MICU2: variants seen among roughly 807,000 people sequenced by gnomAD.
MICU2 encodes calcium uptake protein 2, mitochondrial.
A neutral mutation model predicts 60.4 loss-of-function variants in MICU2; 64 were observed. The observed-to-expected ratio is 1.06, with a 90% confidence interval of 0.87 to 1.31. The LOEUF (loss-of-function observed/expected upper bound fraction) is 1.31, where lower values mean the gene tolerates loss of function less well. Among genes scored for constraint, MICU2 ranks in the 50% most tolerant of loss-of-function variants. The pLI, the probability that MICU2 is intolerant of heterozygous loss-of-function variation, is 0.00. For missense variants in MICU2, 569 were observed against 531.0 expected (o/e 1.07, Z -0.70); for synonymous variants, 201 against 175.0 (o/e 1.15, Z -1.17).
chr13:21,520,819 A>G (rs1347282344), intron 6 of MICU2, among the ~76,000 whole-genome samples: 2 of 152,108 alleles, frequency 1.3e-5, no homozygotes, highest in East Asian at 3.8e-4. Context: ...GCACCAATTT[A>G]TAACTATTGC....
intron 1 of MICU2, among the ~76,000 whole-genome samples, chr13:21,579,075 C>CAGACTGTAATG (rs1888288416): frequency 1.3e-5 from 2 of 152,124 alleles, no homozygotes; most frequent in African/African-American, 2.4e-5. Flanking sequence ...AGTACATTAA[C>CAGACTGTAATG]AGACTGTAAT....
At chr13:21,494,983 T>G (rs1264659087) in intron 11 of MICU2, among the ~76,000 whole-genome samples, 178 bp downstream of exon 11, 1 of 152,188 alleles carries the variant, frequency 6.6e-6, no homozygotes, top group Non-Finnish European at 1.5e-5. Context: ...CATTATTTTT[T>G]AAAAAGCAAA....
intron 8 of MICU2, among the ~76,000 whole-genome samples, chr13:21,505,583 T>TA (rs929137406): frequency 2.3e-4 from 35 of 149,814 alleles, no homozygotes; most frequent in East Asian, 3.9e-4. Flanking sequence ...GTTGTATAAG[T>TA]AAAAAAAAAA....
intron 9 of MICU2, among the ~76,000 whole-genome samples, chr13:21,499,543 T>TG (rs1255274358): frequency 6.6e-6 from 1 of 151,964 alleles, no homozygotes; most frequent in Non-Finnish European, 1.5e-5. Context: ...CCCGAGTAGC[T>TG]GGGACTACAG....
chr13:21,535,776 C>T (rs1887116077), intron 4 of MICU2, among the ~76,000 whole-genome samples: 1 of 152,006 alleles, frequency 6.6e-6, no homozygotes, highest in African/African-American at 2.4e-5. Context: ...GCTTAAAACC[C>T]ATGTTCTTAA....
intron 8 of MICU2, 27 bp from the exon 9 acceptor site, chr13:21,503,124 A>T: frequency 1.3e-6 from 2 of 1,537,102 alleles, no homozygotes; most frequent in South Asian, 1.2e-5. Context: ...AAAATTAGTA[A>T]GGTAACTAGT....
intron 8 of MICU2, among the ~76,000 whole-genome samples, chr13:21,508,764 C>A (rs1243697149): frequency 6.6e-6 from 1 of 152,192 alleles, no homozygotes; most frequent in African/African-American, 2.4e-5. Context: ...TGCCTCCCTG[C>A]CCAAACCACT....
intron 2 of MICU2, among the ~76,000 whole-genome samples, chr13:21,546,972 C>A (rs1431841183): frequency 6.6e-6 from 1 of 152,084 alleles, no homozygotes; most frequent in Non-Finnish European, 1.5e-5. Context: ...ATGTGTAGGT[C>A]TCATTTCTTT....
At position 21,569,235 on chromosome 13, in the gene MICU2, A is replaced by T. The variant is rs189090363; in HGVS notation, c.211-2291T>A. Among the ~76,000 whole-genome samples, 197 of 152,278 alleles carry T rather than the reference A, an allele frequency of 1.3e-3. 1 individual carries two copies. Among genetic ancestry groups the T allele is most frequent in the African/African-American group, 4.3e-3 (177 of 41,556 alleles). On this transcript the variant is annotated intron_variant, in intron 1 of 11. Coordinates refer to ENST00000382374, the MANE Select transcript of MICU2 (RefSeq NM_152726.3). ...TACATGGTGAGGTATAAAACCTTCC[A>T]ACAACGCTATCAACATCCCCCCAAT...
At chr13:21,535,105 T>A (rs772541512) in intron 4 of MICU2, among the ~76,000 whole-genome samples, 1 of 152,210 alleles carries the variant, frequency 6.6e-6, no homozygotes, top group African/African-American at 2.4e-5. Flanking sequence ...ATTAATCTCT[T>A]ATCTCTCAAT....
chr13:21,512,029 C>T (rs1466050829), intron 7 of MICU2, among the ~76,000 whole-genome samples: 2 of 152,212 alleles, frequency 1.3e-5, no homozygotes, highest in African/African-American at 4.8e-5. Flanking sequence ...TTTGTACGAA[C>T]AATCCCAGGA....
At chr13:21,509,852 A>T (rs1886383800) in intron 8 of MICU2, 152 bp downstream of exon 8, 1 of 430,856 alleles carries the variant, frequency 2.3e-6, no homozygotes, top group Non-Finnish European at 4.1e-6. Flanking sequence ...TCATAGGTTT[A>T]GTTCTCAGAG....
chr13:21,563,813 A>AT (rs35279335), intron 2 of MICU2, among the ~76,000 whole-genome samples: 26,859 of 143,426 alleles, frequency 0.19, 3,249 homozygotes, highest in Non-Finnish European at 0.28. Context: ...CAACAAACAC[A>AT]TTTTTTTTTT....
At chr13:21,540,990 G>A (rs975619368) in intron 2 of MICU2, among the ~76,000 whole-genome samples, 34 of 151,930 alleles carry the variant, frequency 2.2e-4, no homozygotes, top group African/African-American at 7.3e-4. Context: ...CTAAAGTTAC[G>A]CCACAAATAG....
At chr13:21,530,135 C>T (rs1487287057) in intron 4 of MICU2, among the ~76,000 whole-genome samples, 2 of 152,216 alleles carry the variant, frequency 1.3e-5, no homozygotes, top group Non-Finnish European at 2.9e-5. Context: ...TAAGTTACAT[C>T]TTACAGTCCT....
At chr13:21,596,815 A>G (rs1051978319) in intron 1 of MICU2, among the ~76,000 whole-genome samples, 3 of 152,210 alleles carry the variant, frequency 2.0e-5, no homozygotes, top group African/African-American at 7.2e-5. Context: ...TTTTCAGCCA[A>G]TTGTTAAGAT....
chr13:21,498,764 G>C (rs1397056744), intron 9 of MICU2, among the ~76,000 whole-genome samples: 1 of 151,240 alleles, frequency 6.6e-6, no homozygotes, highest in Non-Finnish European at 1.5e-5. Context: ...ACATATTTCT[G>C]TACCTTGCTT....
intron 6 of MICU2, 24 bp downstream of exon 6, chr13:21,521,221 C>G (rs1353672490): frequency 1.3e-6 from 2 of 1,517,312 alleles, no homozygotes. Flanking sequence ...TATGATAAAC[C>G]TAAAATAATT....
At chr13:21,531,243 A>G in intron 4 of MICU2, 1 of 1,208,754 alleles carries the variant, frequency 8.3e-7, no homozygotes, top group East Asian at 2.3e-5. Context: ...CACTATAAGA[A>G]AGGAATATTG....
Sources: gnomAD v4.1 joint callset for allele counts (sites outside exome capture counted in the v4.1 genomes callset) on GRCh38, gnomAD v4.1.1 for gene constraint, MANE v1.5 for transcripts, NCBI Gene and HGNC (gene_info 2026-07-23, HGNC 2026-07-21) for gene names.